Variants in SHF observed in about 807,000 individuals in gnomAD.
SHF encodes the protein Src homology 2 domain containing F, also known as SH2 domain-containing adapter protein F.
In SHF, 30 loss-of-function variants were observed where a neutral mutation model predicts 42.4. The ratio of observed to expected loss-of-function variants is 0.71; its 90% CI spans 0.53 to 0.96. The LOEUF is 0.96. Ranked by LOEUF, SHF falls within the 40% of genes least tolerant of loss-of-function variation. SHF has a pLI of 0.00. For synonymous variants in SHF, 264 were observed against 269.9 expected, an observed-to-expected ratio of 0.98 and a Z score of 0.21; for missense variants, 598 against 634.0, an observed-to-expected ratio of 0.94 and a Z score of 0.61.
At position 45,196,148 on chromosome 15, in the gene SHF, A is replaced by G. The variant is rs1230261001; in HGVS notation, c.303+2624T>C. ...AGTCTGGCTCTGTCACCTAGGCTGG[A>G]GTGCAGTGGCCTGATCTCAGCTCAC... On this transcript the variant is annotated intron_variant, in intron 2 of 7. Coordinates refer to the SHF transcript ENST00000290894. 2.0e-4 allele frequency among the ~76,000 whole-genome samples: 26 copies of G among 131,410 alleles called. No homozygotes were observed. In the Admixed American group the frequency reaches 2.2e-3, roughly 11 times the overall value. The allele number at this position is 131,410 out of a possible 152,430, so 86.2% of individuals were successfully genotyped here.
chr15:45,172,823 C>G (rs977169298), intron 4 of SHF, among the ~76,000 whole-genome samples: 3 of 152,168 alleles, frequency 2.0e-5, no homozygotes, highest in African/African-American at 7.2e-5. Context: ...CACCAGCCAG[C>G]CTGTCCCTCC....
At position 45,173,557 on chromosome 15, in the gene SHF, G is replaced by A; in HGVS notation, c.988+19C>T. 6.8e-7 allele frequency: 1 copy of A among 1,478,966 alleles called. No homozygotes were observed. Among genetic ancestry groups the A allele is most frequent in the Non-Finnish European group, 9.0e-7 (1 of 1,115,312 alleles). The allele number at this position is 1,478,966 out of a possible 1,614,324, so 91.6% of individuals were successfully genotyped here. ...GGGTGAGGACATGTCACCCTGGCCA[G>A]AAGCCCCCCAGGACCCACCGCTGCT... On this transcript the variant is annotated intron_variant, in intron 4 of 6. Coordinates refer to ENST00000690270, the MANE Select transcript of SHF (RefSeq NM_001394037.1).
intron 1 of SHF, chr15:45,181,038 CT>C (rs1898097164): frequency 6.6e-6 from 1 of 152,328 alleles, no homozygotes; most frequent in Admixed American, 6.5e-5. Context: ...CTCCCCACCC[CT>C]AATCCTCCAC....
intron 6 of SHF, among the ~76,000 whole-genome samples, chr15:45,168,462 G>C (rs536811446): frequency 6.6e-6 from 1 of 152,152 alleles, no homozygotes; most frequent in Non-Finnish European, 1.5e-5. Context: ...CAGGCACCCC[G>C]GCCCTCCAGC....
chr15:45,174,635 C>T (rs946751160), intron 3 of SHF, among the ~76,000 whole-genome samples: 5 of 152,324 alleles, frequency 3.3e-5, no homozygotes, highest in African/African-American at 7.2e-5. Context: ...CCACCCACCT[C>T]AGACCACTAA....
chr15:45,180,132 G>A (rs1898050316), intron 1 of SHF, among the ~76,000 whole-genome samples: 1 of 152,050 alleles, frequency 6.6e-6, no homozygotes, highest in Admixed American at 6.6e-5. Context: ...TACCACCACT[G>A]GACTATTCAT....
At position 45,167,392 on chromosome 15, in the gene SHF, C is replaced by G. The variant is rs1178427732; in HGVS notation, c.*555G>C. The G allele has an allele frequency of 6.6e-6, 1 of 152,510 alleles. No homozygotes were observed. Among genetic ancestry groups the G allele is most frequent in the African/African-American group, 2.4e-5 (1 of 41,470 alleles). The allele number at this position is 152,510 out of a possible 1,614,324, so 9.4% of individuals were successfully genotyped here. A position where few individuals can be genotyped will look rare whatever the true frequency, so the allele number is the denominator to read the frequency against. ...GCCCGGAGCCGGGGCGGCCTGGGGA[C>G]TGCACAGTTCCCTCTGCCCGAGCCC... On this transcript the variant is annotated 3_prime_UTR_variant, in exon 7 of 7. Coordinates refer to ENST00000690270, the MANE Select transcript of SHF (RefSeq NM_001394037.1).
At chr15:45,189,961 C>G (rs1383014198), upstream of SHF, among the ~76,000 whole-genome samples, 1 of 152,216 alleles carries the variant, frequency 6.6e-6, no homozygotes, top group Non-Finnish European at 1.5e-5. Flanking sequence ...GATTGTGCCA[C>G]TGGTCAGACA....
At chr15:45,185,865 T>C (rs1183495922) in intron 1 of SHF, among the ~76,000 whole-genome samples, 1 of 152,246 alleles carries the variant, frequency 6.6e-6, no homozygotes, top group Non-Finnish European at 1.5e-5. Context: ...GACATATTTA[T>C]GTACCCTTTT....
At chr15:45,201,110 C>T (rs1015423740) in exon 1 of SHF, 10 of 333,098 alleles carry the variant, frequency 3.0e-5, no homozygotes, top group African/African-American at 1.9e-4. Flanking sequence ...ACGAGAAGGG[C>T]AACACTGGGT....
chr15:45,200,757 G>T (rs1423767041), exon 1 of SHF: 1 of 456,176 alleles, frequency 2.2e-6, no homozygotes, highest in East Asian at 7.0e-5. Context: ...TATGGTGGTG[G>T]GTCAGAACTG....
intron 2 of SHF, among the ~76,000 whole-genome samples, chr15:45,194,828 T>G (rs1383633667): frequency 6.6e-6 from 1 of 152,212 alleles, no homozygotes; most frequent in Non-Finnish European, 1.5e-5. Flanking sequence ...CTTTTTACTT[T>G]GTAATTTCAT....
At chr15:45,170,517 G>A in intron 6 of SHF, 1 of 1,133,478 alleles carries the variant, frequency 8.8e-7, no homozygotes. Flanking sequence ...AACTCATTTG[G>A]CAAAGGTAGA....
In SHF at chr15:45,187,913, C is replaced by G. The variant is rs1467384814; in HGVS notation, c.39G>C (p.Pro13=). 6 of 1,155,022 alleles carry G rather than the reference C, an allele frequency of 5.2e-6. No homozygotes were observed. Among genetic ancestry groups the G allele is most frequent in the Non-Finnish European group, 6.4e-6 (6 of 939,412 alleles). 71.5% of individuals were successfully genotyped at this position (1,155,022 alleles called of 1,614,324 possible). A position where few individuals can be genotyped will look rare whatever the true frequency, so the allele number is the denominator to read the frequency against. The part of the protein sequence containing the change: ...LSGAPPAGSR[P]GPRTQGSAGG... Reference sequence around the variant, plus strand: ...CAGCGCTCCCCTGCGTTCGCGGCCCCGGGCGGGAGCCAGCCGGAGGAGCTC... The same window carrying G: ...CAGCGCTCCCCTGCGTTCGCGGCCCGGGGCGGGAGCCAGCCGGAGGAGCTC... The change falls in exon 1 of 7, where the codon CCG becomes CCC. Residue 13 remains proline, a synonymous_variant. Transcript: ENST00000690270.
intron 1 of SHF, 56 bp downstream of exon 1, chr15:45,187,398 C>G (rs1009273402): frequency 1.6e-6 from 2 of 1,230,632 alleles, no homozygotes; most frequent in Non-Finnish European, 2.0e-6. Flanking sequence ...CTCTCGCAGC[C>G]TCCAGACCCC....
chr15:45,171,520 T>G, intron 6 of SHF: 1 of 221,532 alleles, frequency 4.5e-6, no homozygotes, highest in Non-Finnish European at 9.0e-6. Flanking sequence ...ACAGTGATAA[T>G]TTATTGAGCC....
At chr15:45,178,343 GC>G (rs1385605093) in intron 1 of SHF, 37 bp from the exon 2 acceptor site, 1 of 1,595,464 alleles carries the variant, frequency 6.3e-7, no homozygotes, top group Non-Finnish European at 8.5e-7. Flanking sequence ...GCTTCAGGGA[GC>G]AGAGAGGCAA....
In SHF at chr15:45,167,362, C is replaced by T. The variant is rs1240420485; in HGVS notation, c.*585G>A. 6.6e-6 allele frequency: 1 copy of T among 152,060 alleles called. No homozygotes were observed. The highest frequency in any genetic ancestry group is 1.5e-5 in the Non-Finnish European group (1 of 68,134). 9.4% of individuals were successfully genotyped at this position (152,060 alleles called of 1,614,324 possible). A position where few individuals can be genotyped will look rare whatever the true frequency, so the allele number is the denominator to read the frequency against. On this transcript the variant is annotated 3_prime_UTR_variant, in exon 7 of 7. Coordinates refer to ENST00000690270, the MANE Select transcript of SHF (RefSeq NM_001394037.1). ...CGGCAGGATCGGGTTTATTTATTGCCTCTGGCCCGGAGCCGGGGCGGCCTG... is the reference window on the plus strand; with the variant it reads ...CGGCAGGATCGGGTTTATTTATTGCTTCTGGCCCGGAGCCGGGGCGGCCTG...
At chr15:45,170,459 A>G (rs1404919295) in intron 6 of SHF, 7 of 1,287,582 alleles carry the variant, frequency 5.4e-6, no homozygotes, top group East Asian at 5.5e-5. Flanking sequence ...TGATTTTACA[A>G]TTCAGACTCC....
Sources: allele counts gnomAD v4.1 joint callset (sites outside exome capture counted in the v4.1 genomes callset), GRCh38; gene constraint gnomAD v4.1.1; transcripts MANE v1.5; gene names NCBI Gene and HGNC (gene_info 2026-07-23, HGNC 2026-07-21).